The following RNF213 variants were observed in gnomAD, a reference collection of about 807,000 sequenced individuals.
The protein encoded by RNF213 is E3 ubiquitin-protein ligase RNF213.
A neutral mutation model predicts 514.4 loss-of-function variants in RNF213; 341 were observed. The observed-to-expected ratio is 0.66, with a 90% CI of 0.61 to 0.73. The LOEUF (loss-of-function observed/expected upper bound fraction) is 0.73, where lower values mean the gene tolerates loss of function less well. Ranked by LOEUF, RNF213 falls within the 30% of genes least tolerant of loss-of-function variation. The probability of loss-of-function intolerance (pLI) is 0.00; values close to 1 mark genes in which losing one functional copy is unlikely to be tolerated. For synonymous variants in RNF213, 2,655 were observed against 2,658.2 expected, an observed-to-expected ratio of 1.00 and a Z score of 0.04; for missense variants, 5,767 against 6,615.6, an observed-to-expected ratio of 0.87 and a Z score of 4.45.
At position 80,363,652 on chromosome 17, in the gene RNF213, CAAG is replaced by C. The variant is rs767852983; in HGVS notation, c.11615_11617del (p.Arg3872del). The C allele has an allele frequency of 1.2e-6, 2 of 1,613,966 alleles. No individual in the cohort carries two copies. Among genetic ancestry groups the C allele is most frequent in the Non-Finnish European group, 1.7e-6 (2 of 1,180,042 alleles). On this transcript the variant is annotated inframe_deletion, in exon 41 of 68. Coordinates refer to ENST00000582970, the MANE Select transcript of RNF213 (RefSeq NM_001256071.3). Reference sequence around the variant, plus strand: ...GCAATGGCCTGCACGGAGATGCTGACAAGAAACACCCTGAAGCCCAGTCCCCAG... The same window carrying C: ...GCAATGGCCTGCACGGAGATGCTGACAAACACCCTGAAGCCCAGTCCCCAG...
intron 11 of RNF213, among the ~76,000 whole-genome samples, chr17:80,303,284 G>A (rs2045240940): frequency 6.6e-6 from 1 of 152,198 alleles, no homozygotes; most frequent in African/African-American, 2.4e-5. Flanking sequence ...TAGGGTAGGA[G>A]AACAGAGGTA....
intron 6 of RNF213, 140 bp from the exon 7 acceptor site, chr17:80,290,430 C>CGCGTGTGTGCATGTGTGT: frequency 1.0e-6 from 1 of 966,664 alleles, no homozygotes; most frequent in Non-Finnish European, 1.6e-6. Flanking sequence ...TGCGAGTGTG[C>CGCGTGTGTGCATGTGTGT]GCGTGTGTGC....
Position 80,343,217 on chromosome 17 carries a change from G to A in RNF213, c.6075G>A (p.Leu2025=). 6.2e-7 allele frequency: 1 copy of A among 1,614,072 alleles called. No homozygotes were observed. The highest frequency in any genetic ancestry group is 8.5e-7 in the Non-Finnish European group (1 of 1,179,944). Residue 2025 remains leucine (L), a synonymous_variant, in exon 27 of 68, where the codon CTG becomes CTA. Transcript: ENST00000582970. This position sits in a 1 kb window ranked among gnomAD's most constrained non-coding sequence, Gnocchi z 4.3. ...VKNVPLKTIR[L]IDPQVDESRV... is the part of the protein sequence containing the mutation. ...ATGTGCCTCTGAAAACAATTCGACT[G>A]ATCGACCCTCAGGTGGATGAGAGCC...
intron 5 of RNF213, 108 bp from the exon 6 acceptor site, chr17:80,289,551 C>T: frequency 8.2e-7 from 1 of 1,215,018 alleles, no homozygotes; most frequent in South Asian, 1.3e-5. Flanking sequence ...GATCGCAGTA[C>T]TGCACTCCAG....
At position 80,381,377 on chromosome 17, in the gene RNF213, G is replaced by C. The variant is rs2079994604; in HGVS notation, c.13798-170G>C. Reference sequence around the variant, plus strand: ...CACTGTAACAACAGAAAAGCCAGCAGCCGTTCCGCTTGCTAGCCTTCCTTT... The same window carrying C: ...CACTGTAACAACAGAAAAGCCAGCACCCGTTCCGCTTGCTAGCCTTCCTTT... On this transcript the variant is annotated intron_variant, in intron 56 of 67. Coordinates refer to ENST00000582970, the MANE Select transcript of RNF213 (RefSeq NM_001256071.3). 5.5e-6 allele frequency: 4 copies of C among 729,598 alleles called. No homozygotes were observed. The East Asian group carries it at 1.1e-4, about 19-fold the overall frequency. 45.2% of individuals were successfully genotyped at this position (729,598 alleles called of 1,614,324 possible).
intron 26 of RNF213, chr17:80,341,270 C>T (rs2078148911): frequency 1.3e-5 from 2 of 152,418 alleles, no homozygotes; most frequent in Middle Eastern, 6.8e-3. Flanking sequence ...TTAAATGCCA[C>T]TGGCCTCTTT....
At chr17:80,366,604 T>C (rs12952240) in intron 42 of RNF213, among the ~76,000 whole-genome samples, 17,556 of 152,068 alleles carry the variant, frequency 0.12, 1,116 homozygotes, top group Middle Eastern at 0.19. Context: ...GTTATTAGGA[T>C]ATTAAAAATA....
chr17:80,349,002 T>G (rs1599082008), intron 29 of RNF213, among the ~76,000 whole-genome samples: 1 of 151,668 alleles, frequency 6.6e-6, no homozygotes, highest in African/African-American at 2.4e-5. Context: ...GACGGGCCGG[T>G]AGGGAGGCCG....
At chr17:80,383,093 T>G in intron 58 of RNF213, 23 bp downstream of exon 58, 2 of 1,563,418 alleles carry the variant, frequency 1.3e-6, no homozygotes, top group Non-Finnish European at 1.8e-6. Flanking sequence ...TGCTGACAGC[T>G]GGGTTGCTCC....
At chr17:80,316,674 G>A (rs1398436881) in intron 15 of RNF213, 1 of 232,406 alleles carries the variant, frequency 4.3e-6, no homozygotes, top group African/African-American at 2.2e-5. Context: ...AGGGTCTTAG[G>A]AGACCCTGCC....
At chr17:80,356,162 C>G (rs8071720) in intron 36 of RNF213, among the ~76,000 whole-genome samples, 14,542 of 152,182 alleles carry the variant, frequency 0.096, 1,134 homozygotes, top group African/African-American at 0.22. Flanking sequence ...CCACCACACC[C>G]AGCTACTTTT....
intron 7 of RNF213, among the ~76,000 whole-genome samples, chr17:80,291,241 ATTCT>A (rs778704140): frequency 1.1e-4 from 17 of 149,574 alleles, no homozygotes; most frequent in Non-Finnish European, 1.9e-4. Context: ...TTTTAAAAGT[ATTCT>A]TTCTTTCTTT....
At chr17:80,358,200 C>G in intron 36 of RNF213, 88 bp from the exon 37 acceptor site, 1 of 1,153,242 alleles carries the variant, frequency 8.7e-7, no homozygotes, top group Non-Finnish European at 1.3e-6. Flanking sequence ...TTTGTTAATG[C>G]TCAAGAAGGA....
At chr17:80,379,908 C>A in intron 55 of RNF213, 194 bp downstream of exon 55, 1 of 625,868 alleles carries the variant, frequency 1.6e-6, no homozygotes, top group Non-Finnish European at 2.9e-6. Context: ...TGTTGGATCC[C>A]TGGGCCCTGA....
intron 11 of RNF213, among the ~76,000 whole-genome samples, chr17:80,303,469 T>C (rs1033707500): frequency 2.6e-5 from 4 of 152,022 alleles, no homozygotes; most frequent in Admixed American, 2.6e-4. Flanking sequence ...TGCCCCTGGA[T>C]CCCAACTTCT....
In RNF213 at chr17:80,377,893, TC is replaced by T; in HGVS notation, c.13545+99del. 1.4e-6 allele frequency: 2 copies of T among 1,384,804 alleles called. No homozygotes were observed. The highest frequency in any genetic ancestry group is 2.3e-5 in the South Asian group (2 of 86,242). The allele number at this position is 1,384,804 out of a possible 1,614,324, so 85.8% of individuals were successfully genotyped here. A position where few individuals can be genotyped will look rare whatever the true frequency, so the allele number is the denominator to read the frequency against. ...GTCAGGAGAGTGAGGCTCTCGGCCT[TC>T]CAGGAGAGCACAGGCTCACCGAGGA... On this transcript the variant is annotated intron_variant, in intron 54 of 67. Coordinates refer to ENST00000582970, the MANE Select transcript of RNF213 (RefSeq NM_001256071.3). This position sits in a 1 kb window ranked among gnomAD's most constrained non-coding sequence, Gnocchi z 4.1.
intron 22 of RNF213, among the ~76,000 whole-genome samples, chr17:80,335,500 G>A (rs1198629470): frequency 6.6e-6 from 1 of 152,184 alleles, no homozygotes; most frequent in Non-Finnish European, 1.5e-5. Context: ...TTTATCTGAG[G>A]GGAATGATCT....
At position 80,340,307 on chromosome 17, in the gene RNF213, C is replaced by G. The variant is rs997017979; in HGVS notation, c.5940C>G (p.Phe1980Leu). The G allele has an allele frequency of 6.2e-7, 1 of 1,613,820 alleles. No individual in the cohort carries two copies. The highest frequency in any genetic ancestry group is 1.3e-5 in the African/African-American group (1 of 75,052). Residue 1980 changes from phenylalanine to leucine, a missense_variant, in exon 26 of 68, where the codon TTC becomes TTG. Coordinates refer to ENST00000582970, the MANE Select transcript of RNF213 (RefSeq NM_001256071.3). ...PKQTLSAAAV[F>L]NDRLCVGIVA... ...AGACCCTGTCGGCGGCAGCCGTGTT[C>G]AATGACCGGCTGTGTGTTGGGATCG...
chr17:80,372,659 C>T lies in RNF213; in HGVS notation c.12676C>T (p.Leu4226=), dbSNP rs2079562189. 3 of 1,613,996 alleles carry T rather than the reference C, an allele frequency of 1.9e-6. No homozygotes were observed. The South Asian group carries it at 3.3e-5, about 18-fold the overall frequency. Residue 4226 remains leucine, a synonymous_variant, in exon 48 of 68, where the codon CTG becomes TTG. Transcript: ENST00000582970. ...TGCCAACGAGGCCTCGGTTGAATAC[C>T]TGCAAGAGGTGGCCCGGATCCGCCT... is the stretch of plus-strand genomic sequence containing the variant. The part of the protein sequence containing the change: ...EPANEASVEY[L]QEVARIRLCL...
Sources: gnomAD v4.1 joint callset for allele counts (sites outside exome capture counted in the v4.1 genomes callset) on GRCh38, gnomAD v4.1.1 for gene constraint, Gnocchi (gnomAD v3.1) non-coding constraint, MANE v1.5 for transcripts, NCBI Gene and HGNC (gene_info 2026-07-23, HGNC 2026-07-21) for gene names.